DNAH5: variants seen among roughly 807,000 people sequenced by gnomAD.
DNAH5 encodes the protein axonemal beta dynein heavy chain 5.
A neutral mutation model predicts 518.2 loss-of-function variants in DNAH5; 372 were observed. That is an observed-to-expected ratio of 0.72 (90% CI 0.66 to 0.78). The LOEUF (loss-of-function observed/expected upper bound fraction) is 0.78, where lower values mean the gene tolerates loss of function less well. Among genes scored for constraint, DNAH5 ranks in the 30% least tolerant of loss-of-function variants. The pLI is 0.00. For missense variants in DNAH5, 5,523 were observed against 5,687.0 expected (o/e 0.97, Z 0.93); for synonymous variants, 2,039 against 2,025.9 (o/e 1.01, Z -0.17).
chr5:13,924,742 G>A (rs1272077188), intron 3 of DNAH5, among the ~76,000 whole-genome samples: 4 of 151,856 alleles, frequency 2.6e-5, no homozygotes, highest in Non-Finnish European at 5.9e-5. Flanking sequence ...TCAACACACT[G>A]TGTAAAGTCC....
chr5:13,867,971 T>C lies in DNAH5; in HGVS notation c.3856A>G (p.Arg1286Gly), dbSNP rs1403342499. ...PIEESYALLN[R>G]YGLLIAREEI... ...TCCCTTGCTATCAGAAGTCCATATC[T>C]GTTAAGCAGGGCATAAGATTCCTAA... The change falls in exon 25 of 79, where the codon AGA (arginine) becomes GGA (glycine). Residue 1286 changes from arginine (R) to glycine (G), a missense_variant. By Grantham distance (125) the Arg-to-Gly change is moderately radical. Coordinates refer to ENST00000265104, the MANE Select transcript of DNAH5 (RefSeq NM_001369.3). 6.8e-6 allele frequency: 11 copies of C among 1,612,368 alleles called. No individual in the cohort carries two copies. The highest frequency in any genetic ancestry group is 7.6e-6 in the Non-Finnish European group (9 of 1,179,530).
intron 75 of DNAH5, among the ~76,000 whole-genome samples, chr5:13,712,393 T>C (rs1236464060): frequency 6.6e-6 from 1 of 152,168 alleles, no homozygotes; most frequent in African/African-American, 2.4e-5. Context: ...GAAAAACCCT[T>C]CTAGACATCA....
At position 13,701,517 on chromosome 5, in the gene DNAH5, A is replaced by T. The variant is rs1416328830; in HGVS notation, c.13339-81T>A. 1.3e-5 allele frequency: 17 copies of T among 1,287,358 alleles called. No individual in the cohort carries two copies. The African/African-American group carries it at 2.5e-4, about 19-fold the overall frequency. 79.7% of individuals were successfully genotyped at this position (1,287,358 alleles called of 1,614,324 possible). On this transcript the variant is annotated intron_variant, in intron 76 of 78. Transcript: ENST00000265104. ...ACCAGCTATGTTCACTGAAAAAAAA[A>T]AAAGATGAAATATCAATTTCACTTT...
At chr5:13,725,255 T>A (rs1180849561) in intron 70 of DNAH5, among the ~76,000 whole-genome samples, 5 of 152,208 alleles carry the variant, frequency 3.3e-5, no homozygotes, top group Non-Finnish European at 5.9e-5. Context: ...GAAGGCTCCC[T>A]TGTGAAAGAA....
chr5:13,819,769 T>C (rs1021210974), intron 41 of DNAH5, among the ~76,000 whole-genome samples: 2 of 152,164 alleles, frequency 1.3e-5, no homozygotes, highest in South Asian at 4.1e-4. Flanking sequence ...CATCTGGAAA[T>C]GAAATGCATT....
At chr5:13,897,189 T>C (rs1216585598) in intron 15 of DNAH5, among the ~76,000 whole-genome samples, 2 of 152,242 alleles carry the variant, frequency 1.3e-5, no homozygotes, top group Non-Finnish European at 2.9e-5. Context: ...CCACAATTTC[T>C]ATAAGATTCT....
chr5:13,796,602 T>C (rs113486430), intron 47 of DNAH5, among the ~76,000 whole-genome samples: 1,773 of 152,222 alleles, frequency 0.012, 39 homozygotes, highest in African/African-American at 0.038. Flanking sequence ...AAGGAATCAA[T>C]AGCATGAAAA....
chr5:13,851,902 C>G (rs1238467557), intron 30 of DNAH5, among the ~76,000 whole-genome samples: 2 of 151,946 alleles, frequency 1.3e-5, no homozygotes, highest in Non-Finnish European at 2.9e-5. Context: ...ACTGGTCAGA[C>G]AGTGGGTGCA....
At chr5:13,835,655 A>G (rs2151848967) in intron 35 of DNAH5, among the ~76,000 whole-genome samples, 1 of 151,986 alleles carries the variant, frequency 6.6e-6, no homozygotes, top group African/African-American at 2.4e-5. Flanking sequence ...TCAAACCAAA[A>G]CCCTAAGCCC....
chr5:13,843,743 C>A (rs1442522328), intron 32 of DNAH5, among the ~76,000 whole-genome samples: 1 of 152,204 alleles, frequency 6.6e-6, no homozygotes, highest in Non-Finnish European at 1.5e-5. Flanking sequence ...TCTTCACCTG[C>A]AAGGTTATAT....
At chr5:13,788,512 G>C (rs1756442374) in intron 51 of DNAH5, among the ~76,000 whole-genome samples, 1 of 152,152 alleles carries the variant, frequency 6.6e-6, no homozygotes, top group Non-Finnish European at 1.5e-5. Flanking sequence ...AGCGTGATAT[G>C]CATAAACTAG....
chr5:13,894,838 G>C lies in DNAH5; in HGVS notation c.2260-17C>G. 6.2e-7 allele frequency: 1 copy of C among 1,611,042 alleles called. No homozygotes were observed. ...TAGCATCATCTGCAATGAAATTGGG[G>C]TTAAGTAATCAATTAATATCTCACT... On this transcript the variant is annotated splice_polypyrimidine_tract_variant and intron_variant, in intron 15 of 78. Transcript: ENST00000265104.
At chr5:13,765,867 A>G in intron 59 of DNAH5, 109 bp downstream of exon 59, 2 of 1,126,128 alleles carry the variant, frequency 1.8e-6, no homozygotes, top group Non-Finnish European at 2.7e-6. Flanking sequence ...CTCTGAAAAA[A>G]TCATGTATGT....
At position 13,860,029 on chromosome 5, in the gene DNAH5, T is replaced by G. The variant is rs187058394; in HGVS notation, c.4797-424A>C. On this transcript the variant is annotated intron_variant, in intron 29 of 78. Coordinates refer to ENST00000265104, the MANE Select transcript of DNAH5 (RefSeq NM_001369.3). ...CCATCAGTGGGGACCAGACAACTAA[T>G]TCAATCTTCAAATATGATAACACCT... Among the ~76,000 whole-genome samples the G allele has an allele frequency of 6.9e-3, 1,052 of 152,296 alleles. 6 individuals are homozygous for G. Among genetic ancestry groups the G allele is most frequent in the Non-Finnish European group, 0.011 (728 of 68,024 alleles).
At chr5:13,692,285 T>C (rs184684265) in intron 78 of DNAH5, 150 bp from the exon 79 acceptor site, 7 of 875,666 alleles carry the variant, frequency 8.0e-6, no homozygotes, top group African/African-American at 1.7e-5. Context: ...GTCAGGCAAT[T>C]CCTAGATGTG....
At chr5:13,717,162 G>A (rs1306416933) in intron 73 of DNAH5, among the ~76,000 whole-genome samples, 153 bp downstream of exon 73, 1 of 152,084 alleles carries the variant, frequency 6.6e-6, no homozygotes, top group Non-Finnish European at 1.5e-5. Context: ...GAAATCAAGA[G>A]GCAAGTGTGA....
intron 1 of DNAH5, among the ~76,000 whole-genome samples, chr5:13,990,907 A>T (rs1338555333): frequency 6.6e-6 from 1 of 152,234 alleles, no homozygotes; most frequent in Non-Finnish European, 1.5e-5. Flanking sequence ...CAGAAAAAAG[A>T]TAACATTGAA....
At position 13,692,137 on chromosome 5, in the gene DNAH5, T is replaced by C. The variant is rs1740775662; in HGVS notation, c.13724-2A>G. The C allele has an allele frequency of 6.2e-7, 1 of 1,613,698 alleles. No homozygotes were observed. The highest frequency in any genetic ancestry group is 1.1e-5 in the South Asian group (1 of 91,086). The stretch of plus-strand genomic sequence containing the variant: ...AGTAAAACCGAGGATCTCGTAAAGC[T>C]ACAAAAAACATAAAAGAAAAGAACT... On this transcript the variant is annotated splice_acceptor_variant, in intron 78 of 78. Transcript: ENST00000265104. LOFTEE classifies it high-confidence loss of function.
Position 13,721,014 on chromosome 5 carries a change from G to A in DNAH5, c.12265C>T (p.Gln4089Ter), listed in dbSNP as rs1060501456. Residue 4089 changes from glutamine to a stop codon, truncating the protein, a stop_gained, in exon 71 of 79, where the codon CAG (glutamine) becomes TAG (stop). Coordinates refer to ENST00000265104, the MANE Select transcript of DNAH5 (RefSeq NM_001369.3). LOFTEE classifies it high-confidence loss of function. ...TTCAGCCTTACGTTCGCCATGGTCT[G>A]CTGCAAGAGCTTCCGAGCATGGACT... ...QEVHARKLLQ[Q>*]TMANGGWALL... The A allele has an allele frequency of 6.2e-7, 1 of 1,613,984 alleles. No homozygotes were observed. The highest frequency in any genetic ancestry group is 8.5e-7 in the Non-Finnish European group (1 of 1,179,980).
Sources: gnomAD v4.1 joint callset for allele counts (sites outside exome capture counted in the v4.1 genomes callset) on GRCh38, gnomAD v4.1.1 for gene constraint, MANE v1.5 for transcripts, NCBI Gene and HGNC (gene_info 2026-07-23, HGNC 2026-07-21) for gene names.